ROS1: variants seen among roughly 807,000 people sequenced by gnomAD.
The protein encoded by ROS1 is proto-oncogene tyrosine-protein kinase ROS.
A neutral mutation model predicts 273.5 loss-of-function variants in ROS1; 263 were observed. That is an observed-to-expected ratio of 0.96 (90% confidence interval 0.87 to 1.06). ROS1 has a LOEUF of 1.06. Ranked by LOEUF, ROS1 falls within the 50% of genes least tolerant of loss-of-function variation. ROS1 has a pLI of 0.00. For synonymous variants in ROS1, 1,008 were observed against 954.1 expected (o/e 1.06, Z -1.04); for missense variants, 2,833 against 2,751.1 (o/e 1.03, Z -0.67).
chr6:117,346,799 C>T (rs1778415278), intron 27 of ROS1, among the ~76,000 whole-genome samples: 1 of 152,092 alleles, frequency 6.6e-6, no homozygotes. Flanking sequence ...TTGTATTGTA[C>T]ATTTTACGGG....
intron 6 of ROS1, among the ~76,000 whole-genome samples, chr6:117,404,008 G>A (rs571900131): frequency 6.6e-6 from 1 of 152,178 alleles, no homozygotes; most frequent in Non-Finnish European, 1.5e-5. Context: ...AGGCCGAGGC[G>A]GGCGGATCAC....
intron 4 of ROS1, among the ~76,000 whole-genome samples, chr6:117,411,322 G>A (rs1169555558): frequency 6.8e-6 from 1 of 148,018 alleles, no homozygotes; most frequent in East Asian, 2.0e-4. Flanking sequence ...CTGAACCATG[G>A]TGGCAATTCA....
intron 42 of ROS1, among the ~76,000 whole-genome samples, chr6:117,302,031 C>G (rs1158663754): frequency 3.9e-5 from 6 of 152,160 alleles, no homozygotes; most frequent in African/African-American, 1.4e-4. Flanking sequence ...CCATGTGACT[C>G]TTGTCCTCAT....
rs747481675 is a variant in ROS1 at position 117,425,601 on chromosome 6, C to T, written c.56G>A (p.Cys19Tyr). ...PKLVNFATLG[C>Y]LWISVVQCTV... ...ACACTGCACCACAGAAATCCATAGG[C>T]AGCCAAGAGTTGCAAAATTGACAAG... Residue 19 changes from cysteine (C) to tyrosine (Y), a missense_variant, in exon 1 of 44, where the codon TGC (cysteine) becomes TAC (tyrosine). Transcript: ENST00000368507. The T allele has an allele frequency of 5.0e-6, 8 of 1,612,446 alleles. No individual in the cohort carries two copies. In the African/African-American group the frequency reaches 9.4e-5, roughly 19 times the overall value.
chr6:117,305,979 G>A (rs1234574743), intron 42 of ROS1, among the ~76,000 whole-genome samples: 1 of 149,112 alleles, frequency 6.7e-6, no homozygotes, highest in African/African-American at 2.5e-5. Flanking sequence ...CTAAGTAGAG[G>A]TTCCAATTCC....
At chr6:117,314,909 T>C (rs982970829) in intron 39 of ROS1, among the ~76,000 whole-genome samples, 1 of 152,234 alleles carries the variant, frequency 6.6e-6, no homozygotes, top group African/African-American at 2.4e-5. Context: ...GCCTCACGAT[T>C]AAATATGAAA....
intron 3 of ROS1, 22 bp from the exon 4 acceptor site, chr6:117,414,567 C>T (rs1775193040): frequency 2.8e-6 from 2 of 719,666 alleles, no homozygotes; most frequent in African/African-American, 1.8e-5. Context: ...AAAAAAAAGA[C>T]TACTTAAAAT....
chr6:117,376,026 T>C (rs930126836), intron 18 of ROS1, among the ~76,000 whole-genome samples: 2 of 150,764 alleles, frequency 1.3e-5, no homozygotes, highest in Non-Finnish European at 3.0e-5. Context: ...CTAAAATAAA[T>C]AGAAAAGGGA....
intron 43 of ROS1, among the ~76,000 whole-genome samples, chr6:117,292,261 C>T (rs572288346): frequency 2.0e-5 from 3 of 152,078 alleles, no homozygotes; most frequent in Non-Finnish European, 4.4e-5. Context: ...TGAGCCACAG[C>T]GCCTGGCCCT....
chr6:117,298,011 T>C (rs1322346705), intron 43 of ROS1, among the ~76,000 whole-genome samples: 1 of 151,640 alleles, frequency 6.6e-6, no homozygotes, highest in Non-Finnish European at 1.5e-5. Context: ...AAATGTGTTA[T>C]AGACAATGAA....
At chr6:117,383,177 C>T (rs1448945772) in intron 17 of ROS1, 140 bp downstream of exon 17, 5 of 570,918 alleles carry the variant, frequency 8.8e-6, no homozygotes, top group Non-Finnish European at 1.4e-5. Flanking sequence ...TAACAGAAAA[C>T]TTGGTTAAAC....
intron 18 of ROS1, among the ~76,000 whole-genome samples, chr6:117,374,953 T>C (rs1207530842): frequency 6.6e-6 from 1 of 152,222 alleles, no homozygotes; most frequent in Non-Finnish European, 1.5e-5. Flanking sequence ...CTATTGGGTA[T>C]CCACCCAAGG....
At chr6:117,357,731 AACCAAAG>A in intron 25 of ROS1, 66 bp downstream of exon 25, 1 of 1,045,094 alleles carries the variant, frequency 9.6e-7, no homozygotes, top group Non-Finnish European at 1.4e-6. Context: ...TCTACTATTA[AACCAAAG>A]ACATTACATT....
chr6:117,398,365 A>G (rs9401004), intron 7 of ROS1, among the ~76,000 whole-genome samples: 34,216 of 152,036 alleles, frequency 0.23, 5,515 homozygotes, highest in African/African-American at 0.46. Flanking sequence ...TTTTCTGAAA[A>G]GACCCAGTTA....
At position 117,357,931 on chromosome 6, in the gene ROS1, T is replaced by C; in HGVS notation, c.3712A>G (p.Lys1238Glu). ...ACTTGCATTCCATTTTGTGATTCTT[T>C]CAGTGCAAAGTAGAGGTGCCTTGAA... ...WISRHLYFAL[K>E]ESQNGMQVFD... Residue 1238 changes from lysine to glutamate, a missense_variant, in exon 25 of 44, where the codon AAA (lysine) becomes GAA (glutamate). By Grantham distance (56) the Lys-to-Glu change is moderately conservative. Coordinates refer to ENST00000368507, the MANE Select transcript of ROS1 (RefSeq NM_001378902.1). 1 of 1,613,746 alleles carries C rather than the reference T, an allele frequency of 6.2e-7. No homozygotes were observed. The highest frequency in any genetic ancestry group is 8.5e-7 in the Non-Finnish European group (1 of 1,179,732).
intron 32 of ROS1, among the ~76,000 whole-genome samples, chr6:117,331,198 C>T (rs555711841): frequency 6.6e-6 from 1 of 152,260 alleles, no homozygotes; most frequent in East Asian, 1.9e-4. Flanking sequence ...GAAGCATACA[C>T]AAGTGTCAAC....
At chr6:117,418,768 A>G (rs1457197702) in intron 1 of ROS1, among the ~76,000 whole-genome samples, 3 of 152,182 alleles carry the variant, frequency 2.0e-5, no homozygotes, top group Admixed American at 2.0e-4. Flanking sequence ...AGAGAGTCTC[A>G]TGCAGAATTA....
At chr6:117,309,360 T>C (rs998857434) in intron 41 of ROS1, among the ~76,000 whole-genome samples, 2 of 152,160 alleles carry the variant, frequency 1.3e-5, no homozygotes, top group African/African-American at 4.8e-5. Context: ...ATCCCCACTG[T>C]AGGCCTCCAT....
intron 37 of ROS1, 149 bp downstream of exon 37, chr6:117,319,719 A>T: frequency 3.1e-6 from 2 of 644,924 alleles, no homozygotes; most frequent in African/African-American, 1.8e-5. Context: ...TTTTTTTTAA[A>T]TGTGATTTCT....
Sources: gnomAD v4.1 joint callset for allele counts (sites outside exome capture counted in the v4.1 genomes callset) on GRCh38, gnomAD v4.1.1 for gene constraint, MANE v1.5 for transcripts, NCBI Gene and HGNC (gene_info 2026-07-23, HGNC 2026-07-21) for gene names.